Variants in DLGAP2 observed in about 807,000 individuals in gnomAD.
DLGAP2 encodes the protein disks large-associated protein 2.
DLGAP2 carries 26 observed loss-of-function variants against 100.3 expected under a neutral mutation model. The observed-to-expected ratio is 0.26, with a 90% CI of 0.19 to 0.36. The LOEUF (loss-of-function observed/expected upper bound fraction) is 0.36, where lower values mean the gene tolerates loss of function less well. Ranked by LOEUF, DLGAP2 falls within the 10% of genes least tolerant of loss-of-function variation. The probability of loss-of-function intolerance (pLI) is 1.00; values close to 1 mark genes in which losing one functional copy is unlikely to be tolerated. For missense variants in DLGAP2, 1,858 were observed against 1,453.2 expected, an observed-to-expected ratio of 1.28 and a Z score of -4.53; for synonymous variants, 886 against 630.1, an observed-to-expected ratio of 1.41 and a Z score of -6.08.
intron 3 of DLGAP2, among the ~76,000 whole-genome samples, chr8:1,344,622 C>T (rs955360864): frequency 2.6e-5 from 4 of 152,114 alleles, no homozygotes; most frequent in Non-Finnish European, 4.4e-5. Flanking sequence ...CAGGAAAACC[C>T]GGCACTGGTC....
chr8:849,095 C>T (rs982143264), intron 1 of DLGAP2, among the ~76,000 whole-genome samples: 1 of 151,274 alleles, frequency 6.6e-6, no homozygotes, highest in African/African-American at 2.4e-5. Flanking sequence ...GGTGCATGTT[C>T]CAGTATAGGA....
intron 2 of DLGAP2, among the ~76,000 whole-genome samples, chr8:1,204,129 A>G (rs572877233): frequency 2.0e-5 from 3 of 152,378 alleles, no homozygotes; most frequent in South Asian, 2.1e-4. Context: ...GTTGCCATAC[A>G]TGGCAGCAAT....
chr8:1,690,531 C>T (rs933731545), intron 12 of DLGAP2, among the ~76,000 whole-genome samples: 2 of 146,792 alleles, frequency 1.4e-5, no homozygotes, highest in Non-Finnish European at 3.0e-5. Context: ...ATGGAAAAAC[C>T]CCATCTATAC....
At chr8:1,156,373 C>T (rs900765211) in intron 2 of DLGAP2, among the ~76,000 whole-genome samples, 2 of 152,172 alleles carry the variant, frequency 1.3e-5, no homozygotes, top group Non-Finnish European at 2.9e-5. Context: ...GCGGCGGTGG[C>T]CTCACTCTGG....
At chr8:1,698,209 G>C (rs186756526) in intron 14 of DLGAP2, among the ~76,000 whole-genome samples, 1 of 152,202 alleles carries the variant, frequency 6.6e-6, no homozygotes, top group African/African-American at 2.4e-5. Flanking sequence ...CATCCCAGAC[G>C]ACAGGGGAGT....
chr8:1,080,389 C>G (rs547717692), intron 2 of DLGAP2, among the ~76,000 whole-genome samples: 1 of 152,224 alleles, frequency 6.6e-6, no homozygotes, highest in Non-Finnish European at 1.5e-5. Flanking sequence ...CAGAGGTGTG[C>G]GTTACGAAGG....
intron 3 of DLGAP2, among the ~76,000 whole-genome samples, chr8:1,319,371 A>G (rs912379471): frequency 6.6e-6 from 1 of 152,146 alleles, no homozygotes; most frequent in African/African-American, 2.4e-5. Context: ...GTGTTGGGAG[A>G]GAGGCCACGT....
chr8:1,070,362 G>A (rs796214429), intron 2 of DLGAP2, among the ~76,000 whole-genome samples: 8 of 152,310 alleles, frequency 5.3e-5, no homozygotes, highest in East Asian at 3.9e-4. Context: ...ACATGGGCTC[G>A]TCCTGCCATG....
At position 1,658,034 on chromosome 8, in the gene DLGAP2, G is replaced by C. The variant is rs559645067; in HGVS notation, c.1811-10295G>C. ...CAGAATGCAATCGGTTCTGTACAGA[G>C]GCTTGAGGAGGTGGTGATTGGCTTA... On this transcript the variant is annotated intron_variant, in intron 8 of 14. Transcript: ENST00000637795. Among the ~76,000 whole-genome samples, 46 of 152,302 alleles carry C rather than the reference G, an allele frequency of 3.0e-4. No homozygotes were observed. In the East Asian group the frequency reaches 7.9e-3, roughly 26 times the overall value.
intron 2 of DLGAP2, among the ~76,000 whole-genome samples, chr8:1,026,216 C>T (rs935747508): frequency 2.6e-5 from 4 of 152,192 alleles, no homozygotes; most frequent in East Asian, 1.9e-4. Flanking sequence ...CGTGCTGTCT[C>T]GTTGGTGGAG....
At chr8:1,467,995 C>T (rs1798672648) in intron 3 of DLGAP2, among the ~76,000 whole-genome samples, 1 of 152,250 alleles carries the variant, frequency 6.6e-6, no homozygotes, top group South Asian at 2.1e-4. Flanking sequence ...CTAATTCTTT[C>T]AGCCTCCTGT....
intron 3 of DLGAP2, among the ~76,000 whole-genome samples, chr8:1,373,438 G>T (rs998169383): frequency 6.6e-6 from 1 of 152,206 alleles, no homozygotes; most frequent in African/African-American, 2.4e-5. Context: ...ACGGGGGGCC[G>T]GACAGAGAGC....
rs370214043 is a variant in DLGAP2 at position 1,385,719 on chromosome 8, T to G, written c.107-115647T>G. Among the ~76,000 whole-genome samples the G allele has an allele frequency of 9.2e-3, 1,082 of 117,784 alleles. 29 individuals are homozygous for G. The highest frequency in any genetic ancestry group is 0.034 in the African/African-American group (1,013 of 29,686). 77.3% of individuals were successfully genotyped at this position (117,784 alleles called of 152,430 possible). ...TGCACAATTACCCGGCCTGTGCCCG[T>G]CCCCTGAGAACTTGGTGCACAGTTA... On this transcript the variant is annotated intron_variant, in intron 3 of 14. Coordinates refer to ENST00000637795, the MANE Select transcript of DLGAP2 (RefSeq NM_001346810.2).
intron 2 of DLGAP2, among the ~76,000 whole-genome samples, chr8:1,175,606 C>G (rs779671388): frequency 6.6e-6 from 1 of 152,168 alleles, no homozygotes; most frequent in Admixed American, 6.5e-5. Flanking sequence ...AAATGCCAGT[C>G]TGTCTCTGAG....
rs1339834005 is a variant in DLGAP2 at position 1,678,473 on chromosome 8, G to C, written c.2548G>C (p.Glu850Gln). Residue 850 changes from glutamate to glutamine, a missense_variant, in exon 12 of 15, where the codon GAG becomes CAG. Glu to Gln is a conservative substitution (Grantham distance 29). Transcript: ENST00000637795. ...STLPPPDPWL[E>Q]PAIDTVETGR... ...CCTGCCCCCTCCAGACCCCTGGCTG[G>C]AGCCCGCCATCGACACGGTAGAGAC... is the stretch of plus-strand genomic sequence containing the variant. 3 of 1,612,966 alleles carry C rather than the reference G, an allele frequency of 1.9e-6. No individual in the cohort carries two copies. Among genetic ancestry groups the C allele is most frequent in the Non-Finnish European group, 2.5e-6 (3 of 1,179,572 alleles).
chr8:1,428,643 A>C (rs1224964266), intron 3 of DLGAP2, among the ~76,000 whole-genome samples: 2 of 152,238 alleles, frequency 1.3e-5, no homozygotes, highest in Non-Finnish European at 2.9e-5. Context: ...TACCTAATAA[A>C]TATGCATGTG....
chr8:1,503,244 C>G (rs1457699983), intron 4 of DLGAP2, among the ~76,000 whole-genome samples: 1 of 152,112 alleles, frequency 6.6e-6, no homozygotes, highest in African/African-American at 2.4e-5. Flanking sequence ...GAACTTTTTC[C>G]TCTTCTGCAA....
chr8:1,646,649 GT>G (rs1798046825), intron 8 of DLGAP2, among the ~76,000 whole-genome samples: 1 of 152,322 alleles, frequency 6.6e-6, no homozygotes, highest in Admixed American at 6.5e-5. Context: ...TTGTAGCTGT[GT>G]TGGGGGAATG....
intron 3 of DLGAP2, among the ~76,000 whole-genome samples, chr8:1,312,216 C>T (rs959819983): frequency 6.6e-6 from 1 of 152,202 alleles, no homozygotes; most frequent in African/African-American, 2.4e-5. Context: ...GATCACAGAC[C>T]TAAATATAAA....
Sources: gnomAD v4.1 joint callset for allele counts (sites outside exome capture counted in the v4.1 genomes callset) on GRCh38, gnomAD v4.1.1 for gene constraint, MANE v1.5 for transcripts, NCBI Gene and HGNC (gene_info 2026-07-23, HGNC 2026-07-21) for gene names.